PDXK: variants seen among roughly 807,000 people sequenced by gnomAD.
PDXK encodes the protein epididymis secretory sperm binding protein Li 1a.
A neutral mutation model predicts 43.2 loss-of-function variants in PDXK; 15 were observed. The observed-to-expected ratio is 0.35, with a 90% CI of 0.23 to 0.53. The LOEUF (loss-of-function observed/expected upper bound fraction) is 0.53, where lower values mean the gene tolerates loss of function less well. Ranked by LOEUF, PDXK falls within the 20% of genes least tolerant of loss-of-function variation. PDXK has a pLI of 0.92. For missense variants in PDXK, 343 were observed against 417.0 expected (o/e 0.82, Z 1.54); for synonymous variants, 172 against 165.4 (o/e 1.04, Z -0.31).
At chr21:43,750,599 A>AG (rs1266676256) in intron 7 of PDXK, 54 bp downstream of exon 7, 54 of 1,443,130 alleles carry the variant, frequency 3.7e-5, no homozygotes, top group Non-Finnish European at 4.6e-5. Flanking sequence ...CACGGTGGGG[A>AG]CGGGAGACAG....
At chr21:43,719,924 C>T in intron 1 of PDXK, 10 of 985,412 alleles carry the variant, frequency 1.0e-5, no homozygotes, top group East Asian at 2.3e-4. Context: ...GGATTCCCCT[C>T]GGCCTGACCA....
chr21:43,727,587 A>T (rs918585060), intron 1 of PDXK, among the ~76,000 whole-genome samples: 1 of 152,142 alleles, frequency 6.6e-6, no homozygotes, highest in Non-Finnish European at 1.5e-5. Flanking sequence ...GCCTCTGGGA[A>T]TGTGGTCACC....
At position 43,753,598 on chromosome 21, in the gene PDXK, C is replaced by G. The variant is rs756627812; in HGVS notation, c.638C>G (p.Ser213Cys). 3 of 1,612,798 alleles carry G rather than the reference C, an allele frequency of 1.9e-6. No homozygotes were observed. The East Asian group carries it at 6.7e-5, about 36-fold the overall frequency. The change falls in exon 9 of 11, where the codon TCC (serine) becomes TGC (cysteine). Residue 213 changes from serine to cysteine, a missense_variant. By Grantham distance (112) the Ser-to-Cys change is moderately radical. Coordinates refer to ENST00000291565, the MANE Select transcript of PDXK (RefSeq NM_003681.5). ...GSQRRRNPAG[S>C]VVMERIRMDI... ...CTCCCCCTAGGGAATCCCGCTGGCT[C>G]CGTGGTGATGGAACGCATCCGGATG...
At chr21:43,736,955 G>T (rs1339196905) in intron 2 of PDXK, 2 of 701,612 alleles carry the variant, frequency 2.9e-6, no homozygotes, top group South Asian at 1.5e-5. Flanking sequence ...CTTTTTTAGA[G>T]ACAAGGTCGG....
intron 5 of PDXK, among the ~76,000 whole-genome samples, chr21:43,746,357 T>C (rs996007452): frequency 6.6e-6 from 1 of 152,194 alleles, no homozygotes; most frequent in Admixed American, 6.5e-5. Context: ...GCCACAGCTG[T>C]TCTCATTAGA....
chr21:43,719,402 C>G, intron 1 of PDXK, 21 bp downstream of exon 1: 1 of 1,515,728 alleles, frequency 6.6e-7, no homozygotes, highest in East Asian at 2.7e-5. Flanking sequence ...GCCCGCAGCC[C>G]GGGCTTACGT....
rs1213953921 is a variant in PDXK at position 43,740,833 on chromosome 21, C to T, written c.143-834C>T. The stretch of plus-strand genomic sequence containing the variant: ...CAGGCTCTAATTGCACCTTAATAAG[C>T]TTGTTGGGGAGGAGTTGGGGGTGGG... On this transcript the variant is annotated intron_variant, in intron 2 of 10. Coordinates refer to ENST00000291565, the MANE Select transcript of PDXK (RefSeq NM_003681.5). Among the ~76,000 whole-genome samples, 3 of 151,456 alleles carry T rather than the reference C, an allele frequency of 2.0e-5. No individual in the cohort carries two copies. In the East Asian group the frequency reaches 5.9e-4, roughly 30 times the overall value.
intron 1 of PDXK, among the ~76,000 whole-genome samples, chr21:43,725,142 T>C (rs1187193198): frequency 1.3e-5 from 2 of 151,864 alleles, no homozygotes; most frequent in African/African-American, 2.4e-5. Context: ...GCTAACACGG[T>C]AAAACCCCGT....
chr21:43,741,554 G>A (rs1364144498), intron 2 of PDXK, 113 bp from the exon 3 acceptor site: 3 of 1,530,194 alleles, frequency 2.0e-6, no homozygotes, highest in South Asian at 2.5e-5. Context: ...CCAGTCCATG[G>A]GGAGGAGCCG....
In PDXK at chr21:43,738,118, C is replaced by T. The variant is rs1049057631; in HGVS notation, c.143-3549C>T. 7.9e-6 allele frequency: 7 copies of T among 890,310 alleles called. No individual in the cohort carries two copies. The African/African-American group carries it at 9.0e-5, about 11-fold the overall frequency. The allele number at this position is 890,310 out of a possible 1,614,324, so 55.2% of individuals were successfully genotyped here. ...TCATGTTGCAGCCTTAACCCCAGCA[C>T]CTCAGTGTGGGACTGGGTTTGGAGA... On this transcript the variant is annotated intron_variant, in intron 2 of 10. Coordinates refer to ENST00000291565, the MANE Select transcript of PDXK (RefSeq NM_003681.5).
At chr21:43,725,271 C>T (rs1323787492) in intron 1 of PDXK, among the ~76,000 whole-genome samples, 1 of 151,212 alleles carries the variant, frequency 6.6e-6, no homozygotes, top group East Asian at 2.0e-4. Flanking sequence ...TGCAGTGAGC[C>T]GAGATCGCGC....
intron 1 of PDXK, among the ~76,000 whole-genome samples, chr21:43,726,669 A>G (rs2147210307): frequency 6.6e-6 from 1 of 152,150 alleles, no homozygotes; most frequent in Admixed American, 6.5e-5. Flanking sequence ...CAGCCTCCCA[A>G]AGTGTTGGGA....
At chr21:43,741,576 G>A (rs750796054) in intron 2 of PDXK, 91 bp from the exon 3 acceptor site, 13 of 1,564,286 alleles carry the variant, frequency 8.3e-6, no homozygotes, top group Non-Finnish European at 1.1e-5. Flanking sequence ...CCACCAGGCA[G>A]CCTCAGGGAG....
At chr21:43,751,429 A>G (rs2083749396) in intron 7 of PDXK, among the ~76,000 whole-genome samples, 1 of 152,198 alleles carries the variant, frequency 6.6e-6, no homozygotes, top group Non-Finnish European at 1.5e-5. Context: ...CACGCCTATA[A>G]TCCCGGCTAG....
In PDXK at chr21:43,733,264, CG is replaced by C. The variant is rs536116340; in HGVS notation, c.88-804del. On this transcript the variant is annotated intron_variant, in intron 1 of 10. Transcript: ENST00000291565. ...CCCTCCCCATCCCCACCCCCCCCCC[CG>C]CCCCCCCCGCCCTGGAAACAGCCGC... Among the ~76,000 whole-genome samples the C allele has an allele frequency of 7.8e-3, 699 of 89,088 alleles. 9 individuals carry two copies. Among genetic ancestry groups the C allele is most frequent in the East Asian group, 0.026 (61 of 2,316 alleles). 58.4% of individuals were successfully genotyped at this position (89,088 alleles called of 152,430 possible). A position where few individuals can be genotyped will look rare whatever the true frequency, so the allele number is the denominator to read the frequency against.
At position 43,737,650 on chromosome 21, in the gene PDXK, C is replaced by T. The variant is rs999037544; in HGVS notation, c.142+3527C>T. On this transcript the variant is annotated intron_variant, in intron 2 of 10. Transcript: ENST00000291565. The surrounding 1 kb of genome is among the most constrained non-coding windows in gnomAD (Gnocchi z 4.8). Reference sequence around the variant, plus strand: ...CAGCTGGTGTGAACACAAGGAGCTGCGGGGCTGGAGAAGGCCAGGGCCAGG... The same window carrying T: ...CAGCTGGTGTGAACACAAGGAGCTGTGGGGCTGGAGAAGGCCAGGGCCAGG... 4.1e-6 allele frequency: 4 copies of T among 985,408 alleles called. 1 individual carries two copies. In the Middle Eastern group the frequency reaches 1.6e-3, roughly 385 times the overall value. The allele number at this position is 985,408 out of a possible 1,614,324, so 61.0% of individuals were successfully genotyped here.
At chr21:43,733,618 G>T in intron 1 of PDXK, 1 of 1,039,852 alleles carries the variant, frequency 9.6e-7, no homozygotes, top group South Asian at 3.4e-5. Flanking sequence ...GGAGCCCTTG[G>T]CCTGACTTCT....
At position 43,761,799 on chromosome 21, in the gene PDXK, G is replaced by A. The variant is rs773215435; in HGVS notation, c.*5736G>A. 5.9e-5 allele frequency: 9 copies of A among 152,534 alleles called. No homozygotes were observed. The highest frequency in any genetic ancestry group is 2.1e-4 in the South Asian group (1 of 4,824). 9.4% of individuals were successfully genotyped at this position (152,534 alleles called of 1,614,324 possible). Reference sequence around the variant, plus strand: ...AGCTGGGAGAACCTGTGTCAAGCTCGAGCCGTCATAGGTCCCCATGAGGTG... The same window carrying A: ...AGCTGGGAGAACCTGTGTCAAGCTCAAGCCGTCATAGGTCCCCATGAGGTG... On this transcript the variant is annotated 3_prime_UTR_variant, in exon 11 of 11. Transcript: ENST00000291565.
chr21:43,746,163 A>C, intron 5 of PDXK, 38 bp downstream of exon 5: 1 of 1,537,324 alleles, frequency 6.5e-7, no homozygotes, highest in Non-Finnish European at 9.0e-7. Context: ...AAGTGTGGTG[A>C]GTGGAGCTAT....
Sources: gnomAD v4.1 joint callset for allele counts (sites outside exome capture counted in the v4.1 genomes callset) on GRCh38, gnomAD v4.1.1 for gene constraint, Gnocchi (gnomAD v3.1) non-coding constraint, MANE v1.5 for transcripts, NCBI Gene and HGNC (gene_info 2026-07-23, HGNC 2026-07-21) for gene names.